STK10: variants seen among roughly 807,000 people sequenced by gnomAD.
The protein encoded by STK10 is serine/threonine-protein kinase 10.
In STK10, 78 loss-of-function variants were observed where a neutral mutation model predicts 113.8. The ratio of observed to expected loss-of-function variants is 0.69; its 90% CI spans 0.57 to 0.83. STK10 has a LOEUF of 0.83. Ranked by LOEUF, STK10 falls within the 40% of genes least tolerant of loss-of-function variation. The probability of loss-of-function intolerance (pLI) is 0.00; values close to 1 mark genes in which losing one functional copy is unlikely to be tolerated. For synonymous variants in STK10, 465 were observed against 494.7 expected, an observed-to-expected ratio of 0.94 and a Z score of 0.80; for missense variants, 1,109 against 1,280.1, an observed-to-expected ratio of 0.87 and a Z score of 2.04.
chr5:172,092,256 A>T (rs576672372), intron 9 of STK10, among the ~76,000 whole-genome samples: 1 of 152,296 alleles, frequency 6.6e-6, no homozygotes, highest in South Asian at 2.1e-4. Context: ...CTGAAGGAAC[A>T]GGCTCCTAGT....
intron 12 of STK10, among the ~76,000 whole-genome samples, chr5:172,074,098 A>G (rs1269912624): frequency 6.6e-6 from 1 of 152,164 alleles, no homozygotes; most frequent in Admixed American, 6.6e-5. Flanking sequence ...TATGCTCAAT[A>G]TTGTTCAGAT....
chr5:172,055,601 T>C lies in STK10; in HGVS notation c.2513A>G (p.Glu838Gly). 1 of 1,514,560 alleles carries C rather than the reference T, an allele frequency of 6.6e-7. No individual in the cohort carries two copies. Among genetic ancestry groups the C allele is most frequent in the South Asian group, 1.3e-5 (1 of 77,366 alleles). The allele number at this position is 1,514,560 out of a possible 1,614,324, so 93.8% of individuals were successfully genotyped here. ...CCCGGCCCCCACCTGCTTGATCTTC[T>C]CACGCTGCTCAGCTGCGCTGCCCCC... ...NGGGSAAEQR[E>G]KIKQFSQQEE... is the part of the protein sequence containing the mutation. The change falls in exon 16 of 19, where the codon GAG (glutamate) becomes GGG (glycine). Residue 838 changes from glutamate (E) to glycine (G), a missense_variant. By Grantham distance (98) the Glu-to-Gly change is moderately conservative. This residue lies in a region of STK10 where 885 missense variants were observed against 991.1 expected (regional missense o/e 0.89). Transcript: ENST00000176763.
Position 172,187,650 on chromosome 5 carries a change from G to A in STK10, c.156+237C>T, listed in dbSNP as rs1357316819. On this transcript the variant is annotated intron_variant, in intron 1 of 18. Transcript: ENST00000176763. The surrounding 1 kb of genome is among the most constrained non-coding windows in gnomAD (Gnocchi z 4.6). Reference sequence around the variant, plus strand: ...GACACACAGGAAGTGCTCCGAAACAGGGCTAGGGTGGGGGCGGCAACCGTG... The same window carrying A: ...GACACACAGGAAGTGCTCCGAAACAAGGCTAGGGTGGGGGCGGCAACCGTG... 1.3e-5 allele frequency among the ~76,000 whole-genome samples: 2 copies of A among 152,244 alleles called. No individual in the cohort carries two copies. Among genetic ancestry groups the A allele is most frequent in the Non-Finnish European group, 2.9e-5 (2 of 68,044 alleles).
chr5:172,100,188 G>A (rs1247372851), intron 7 of STK10, among the ~76,000 whole-genome samples: 3 of 152,272 alleles, frequency 2.0e-5, no homozygotes, highest in Admixed American at 1.3e-4. Flanking sequence ...GAGAGATAAC[G>A]CCCTGGCTAT....
chr5:172,092,592 T>A (rs1357453312), intron 9 of STK10: 1 of 152,046 alleles, frequency 6.6e-6, no homozygotes, highest in Non-Finnish European at 1.5e-5. Flanking sequence ...CTCCTGTCAC[T>A]CCCCTTTGCT....
chr5:172,146,477 C>T (rs1313491809), intron 2 of STK10, among the ~76,000 whole-genome samples: 3 of 152,218 alleles, frequency 2.0e-5, no homozygotes, highest in Admixed American at 6.5e-5. Flanking sequence ...AGCCCCACAG[C>T]CCCCTCTACC....
At chr5:172,056,975 G>C (rs1290271543) in intron 15 of STK10, 1 of 97,040 alleles carries the variant, frequency 1.0e-5, no homozygotes, top group African/African-American at 4.9e-5. Context: ...AAGAAAGAAA[G>C]AAAGAAAGAA....
intron 14 of STK10, among the ~76,000 whole-genome samples, chr5:172,058,623 G>A (rs1376761562): frequency 6.6e-6 from 1 of 152,138 alleles, no homozygotes; most frequent in Non-Finnish European, 1.5e-5. Flanking sequence ...AGGCACAGTG[G>A]CTCACACCGT....
chr5:172,056,788 C>A (rs937315168), intron 15 of STK10, among the ~76,000 whole-genome samples: 18 of 151,310 alleles, frequency 1.2e-4, no homozygotes, highest in Non-Finnish European at 2.9e-5. Flanking sequence ...GCAGGAGAAT[C>A]ACTTGAACCC....
rs773500523 is a variant in STK10, at chr5:172,044,531, G to A, written c.*351C>T. On this transcript the variant is annotated 3_prime_UTR_variant, in exon 19 of 19. Transcript: ENST00000176763. This position sits in a 1 kb window ranked among gnomAD's most constrained non-coding sequence, Gnocchi z 4.5. Reference sequence around the variant, plus strand: ...GCTTTGTCCCACAGAGAGCAAAACTGGTATTTTCGCAAACAGGAGAGGACT... The same window carrying A: ...GCTTTGTCCCACAGAGAGCAAAACTAGTATTTTCGCAAACAGGAGAGGACT... 3.2e-6 allele frequency: 1 copy of A among 314,684 alleles called. No individual in the cohort carries two copies. Among genetic ancestry groups the A allele is most frequent in the Non-Finnish European group, 6.1e-6 (1 of 163,020 alleles). The allele number at this position is 314,684 out of a possible 1,614,324, so 19.5% of individuals were successfully genotyped here. A position where few individuals can be genotyped will look rare whatever the true frequency, so the allele number is the denominator to read the frequency against.
At chr5:172,099,392 T>C (rs1174403996) in intron 7 of STK10, among the ~76,000 whole-genome samples, 1 of 152,038 alleles carries the variant, frequency 6.6e-6, no homozygotes, top group Non-Finnish European at 1.5e-5. Flanking sequence ...ATAACAAAAA[T>C]TAGCTGGGCA....
chr5:172,126,700 T>C (rs899847003), intron 3 of STK10, among the ~76,000 whole-genome samples: 3 of 152,252 alleles, frequency 2.0e-5, no homozygotes, highest in Admixed American at 1.3e-4. Context: ...AACATTTCAC[T>C]GTGATCATCG....
rs1401928226 is a variant in STK10 at position 172,044,408 on chromosome 5, T to C, written c.*474A>G. 1 of 159,678 alleles carries C rather than the reference T, an allele frequency of 6.3e-6. No individual in the cohort carries two copies. The highest frequency in any genetic ancestry group is 6.1e-5 in the Admixed American group (1 of 16,528). 9.9% of individuals were successfully genotyped at this position (159,678 alleles called of 1,614,324 possible). A position where few individuals can be genotyped will look rare whatever the true frequency, so the allele number is the denominator to read the frequency against. On this transcript the variant is annotated 3_prime_UTR_variant, in exon 19 of 19. Transcript: ENST00000176763. This position sits in a 1 kb window ranked among gnomAD's most constrained non-coding sequence, Gnocchi z 4.5. ...GGCCTGGCTCCTCTGGGAACAGAAA[T>C]GGCTGTGAGGGACTTGATGATTGAG...
chr5:172,121,850 G>T (rs886176907), intron 3 of STK10, among the ~76,000 whole-genome samples: 2 of 151,214 alleles, frequency 1.3e-5, no homozygotes, highest in African/African-American at 4.9e-5. Flanking sequence ...ACAGGCATGG[G>T]CCACTATGCC....
At chr5:172,139,295 C>T (rs1769929967) in intron 2 of STK10, among the ~76,000 whole-genome samples, 1 of 152,066 alleles carries the variant, frequency 6.6e-6, no homozygotes, top group Non-Finnish European at 1.5e-5. Flanking sequence ...AAATGTACTA[C>T]AATGCTGCAG....
Position 172,057,294 on chromosome 5 carries a change from C to T in STK10, c.2337+55G>A, listed in dbSNP as rs1356246075. 12 of 1,554,432 alleles carry T rather than the reference C, an allele frequency of 7.7e-6. No homozygotes were observed. The East Asian group carries it at 2.6e-4, about 34-fold the overall frequency. On this transcript the variant is annotated intron_variant, in intron 15 of 18. Coordinates refer to ENST00000176763, the MANE Select transcript of STK10 (RefSeq NM_005990.4). ...TGCCCCATCACATACAGCCTCATGG[C>T]TCTCCCAGGTCGGCCCGGCAGCAGA...
chr5:172,139,347 G>A (rs180845289), intron 2 of STK10, among the ~76,000 whole-genome samples: 1 of 152,198 alleles, frequency 6.6e-6, no homozygotes, highest in African/African-American at 2.4e-5. Context: ...CAGACATATA[G>A]ATCAAGAGAA....
At chr5:172,162,570 T>C (rs1770492907) in intron 1 of STK10, among the ~76,000 whole-genome samples, 1 of 152,128 alleles carries the variant, frequency 6.6e-6, no homozygotes, top group South Asian at 2.1e-4. Flanking sequence ...CACACATTCC[T>C]CTTTCTCTTC....
intron 4 of STK10, among the ~76,000 whole-genome samples, chr5:172,110,232 G>T (rs1769207808): frequency 6.6e-6 from 1 of 152,216 alleles, no homozygotes; most frequent in South Asian, 2.1e-4. Flanking sequence ...CAGGACCGGG[G>T]CTACTCAAGA....
Sources: allele counts gnomAD v4.1 joint callset (sites outside exome capture counted in the v4.1 genomes callset), GRCh38; gene constraint gnomAD v4.1.1; regional missense constraint gnomAD v4.1.1; non-coding constraint Gnocchi (gnomAD v3.1); transcripts MANE v1.5; gene names NCBI Gene and HGNC (gene_info 2026-07-23, HGNC 2026-07-21).